SLC24A3: variants seen among roughly 807,000 people sequenced by gnomAD.
SLC24A3 encodes the protein solute carrier family 24 member 3.
A neutral mutation model predicts 75.8 loss-of-function variants in SLC24A3; 28 were observed. The observed-to-expected ratio is 0.37, with a 90% CI of 0.27 to 0.51. The LOEUF is 0.51. SLC24A3 is among the 20% of genes least tolerant of loss of function. SLC24A3 has a pLI of 0.94. For missense variants in SLC24A3, 663 were observed against 847.8 expected (o/e 0.78, Z 2.71); for synonymous variants, 372 against 334.1 (o/e 1.11, Z -1.24).
At chr20:19,630,821 A>C (rs891874327) in intron 6 of SLC24A3, among the ~76,000 whole-genome samples, 1 of 152,232 alleles carries the variant, frequency 6.6e-6, no homozygotes, top group African/African-American at 2.4e-5. Context: ...GGATGAAAAC[A>C]TACCCTAGGA....
intron 13 of SLC24A3, among the ~76,000 whole-genome samples, chr20:19,696,015 C>CTTTTTTTTTTTTTTTTTTTTTTTTTT (rs778046824): frequency 9.3e-6 from 1 of 108,074 alleles, no homozygotes; most frequent in African/African-American, 3.6e-5. Flanking sequence ...TTTTCCTTTT[C>CTTTTTTTTTTTTTTTTTTTTTTTTTT]TTTTTTTTTT....
intron 2 of SLC24A3, among the ~76,000 whole-genome samples, chr20:19,339,718 G>T (rs1985224165): frequency 6.6e-6 from 1 of 152,200 alleles, no homozygotes; most frequent in Admixed American, 6.5e-5. Context: ...CCAGGAGATA[G>T]GGTACCAGGG....
intron 6 of SLC24A3, among the ~76,000 whole-genome samples, chr20:19,651,415 AT>A (rs2032201535): frequency 3.4e-5 from 5 of 148,186 alleles, no homozygotes; most frequent in African/African-American, 1.2e-4. Context: ...ATATATATAT[AT>A]ATCTGCTTTC....
At chr20:19,411,668 G>A (rs1600470491) in intron 2 of SLC24A3, among the ~76,000 whole-genome samples, 1 of 152,318 alleles carries the variant, frequency 6.6e-6, no homozygotes, top group Admixed American at 6.5e-5. Flanking sequence ...TTGGAGGAGG[G>A]TCTCATTGGC....
chr20:19,597,924 A>G (rs2031471713), intron 6 of SLC24A3, among the ~76,000 whole-genome samples: 1 of 152,216 alleles, frequency 6.6e-6, no homozygotes, highest in Non-Finnish European at 1.5e-5. Flanking sequence ...TTATGGCCAA[A>G]TAGTATTCCC....
intron 2 of SLC24A3, among the ~76,000 whole-genome samples, chr20:19,331,011 T>C (rs989789344): frequency 9.9e-5 from 15 of 152,176 alleles, no homozygotes; most frequent in Non-Finnish European, 1.9e-4. Context: ...TCTTCCAAAA[T>C]GCTGAAGTTG....
chr20:19,241,792 T>C (rs1982335558), intron 1 of SLC24A3, among the ~76,000 whole-genome samples: 1 of 152,222 alleles, frequency 6.6e-6, no homozygotes, highest in South Asian at 2.1e-4. Flanking sequence ...CACTCAGCTC[T>C]CATTGAGGGC....
chr20:19,216,855 G>A (rs1198018694), intron 1 of SLC24A3, among the ~76,000 whole-genome samples: 2 of 152,122 alleles, frequency 1.3e-5, no homozygotes, highest in Non-Finnish European at 2.9e-5. Context: ...GGGGGTAATG[G>A]GGCTGGCTTG....
chr20:19,496,027 G>C (rs6136756), intron 2 of SLC24A3, among the ~76,000 whole-genome samples: 41,331 of 152,106 alleles, frequency 0.27, 5,892 homozygotes, highest in East Asian at 0.5. Context: ...GTTCAAGCCA[G>C]TGAAAACACT....
At chr20:19,342,176 T>A (rs2122309130) in intron 2 of SLC24A3, among the ~76,000 whole-genome samples, 1 of 152,342 alleles carries the variant, frequency 6.6e-6, no homozygotes, top group Non-Finnish European at 1.5e-5. Context: ...CTTTAAAAAA[T>A]TTCCTAATGC....
chr20:19,489,638 A>C (rs900487307), intron 2 of SLC24A3, among the ~76,000 whole-genome samples: 1 of 152,170 alleles, frequency 6.6e-6, no homozygotes, highest in Non-Finnish European at 1.5e-5. Flanking sequence ...ACCAGCCAGG[A>C]ACTACAATTT....
At chr20:19,683,768 C>A (rs1416854939) in intron 10 of SLC24A3, among the ~76,000 whole-genome samples, 3 of 152,198 alleles carry the variant, frequency 2.0e-5, no homozygotes, top group African/African-American at 4.8e-5. Flanking sequence ...ATCATTAATT[C>A]TTACCATGTC....
intron 2 of SLC24A3, among the ~76,000 whole-genome samples, chr20:19,320,705 GAT>G (rs1984687974): frequency 6.6e-6 from 1 of 152,052 alleles, no homozygotes; most frequent in Admixed American, 6.5e-5. Flanking sequence ...CCAAATCCCT[GAT>G]ATGATCCTCC....
intron 15 of SLC24A3, among the ~76,000 whole-genome samples, chr20:19,704,354 C>T (rs762736333): frequency 8.5e-5 from 13 of 152,168 alleles, no homozygotes; most frequent in Admixed American, 2.0e-4. Context: ...ACACTGTATT[C>T]GCATGGTCTC....
intron 10 of SLC24A3, 98 bp from the exon 11 acceptor site, chr20:19,684,078 A>AGGGAGGAAGAGAAAAGAAG (rs1255737756): frequency 1.5e-6 from 2 of 1,360,696 alleles, no homozygotes; most frequent in African/African-American, 1.4e-5. Flanking sequence ...GGAGGAAAGA[A>AGGGAGGAAGAGAAAAGAAG]GGGAGGAAGA....
intron 2 of SLC24A3, among the ~76,000 whole-genome samples, chr20:19,332,699 G>T (rs1426774898): frequency 6.6e-6 from 1 of 152,168 alleles, no homozygotes; most frequent in African/African-American, 2.4e-5. Context: ...TTTCAGAAGG[G>T]TATTTGGGGG....
chr20:19,410,174 GA>G (rs1207880915), intron 2 of SLC24A3, among the ~76,000 whole-genome samples: 1 of 152,102 alleles, frequency 6.6e-6, no homozygotes, highest in Non-Finnish European at 1.5e-5. Flanking sequence ...TTCCTCCCAA[GA>G]ATCAGGAGAC....
intron 2 of SLC24A3, among the ~76,000 whole-genome samples, chr20:19,407,844 A>G (rs762756634): frequency 2.0e-5 from 3 of 152,224 alleles, no homozygotes; most frequent in Non-Finnish European, 2.9e-5. Context: ...ATTTGGCAGA[A>G]GGTGTCACTG....
At chr20:19,490,169 A>C (rs925960939) in intron 2 of SLC24A3, among the ~76,000 whole-genome samples, 1 of 152,204 alleles carries the variant, frequency 6.6e-6, no homozygotes, top group East Asian at 1.9e-4. Flanking sequence ...CCAAGGCCAC[A>C]TGTCCTCCCA....
Sources: allele counts gnomAD v4.1 joint callset (sites outside exome capture counted in the v4.1 genomes callset), GRCh38; gene constraint gnomAD v4.1.1; transcripts MANE v1.5; gene names NCBI Gene and HGNC (gene_info 2026-07-23, HGNC 2026-07-21).